Variants in GSE1 observed in about 807,000 individuals in gnomAD.
GSE1 encodes Gse1 coiled-coil protein, also known as genetic suppressor element 1.
In GSE1, 32 loss-of-function variants were observed where a neutral mutation model predicts 112.6. That is an observed-to-expected ratio of 0.28 (90% confidence interval 0.21 to 0.38). GSE1 has a LOEUF of 0.38. Among genes scored for constraint, GSE1 ranks in the 10% least tolerant of loss-of-function variants. GSE1 has a pLI of 1.00. For missense variants in GSE1, 2,348 were observed against 1,699.2 expected (o/e 1.38, Z -6.71); for synonymous variants, 1,115 against 735.6 (o/e 1.52, Z -8.35).
intron 2 of GSE1, among the ~76,000 whole-genome samples, chr16:85,424,260 G>A (rs766664861): frequency 2.0e-5 from 3 of 152,256 alleles, no homozygotes; most frequent in South Asian, 2.1e-4. Flanking sequence ...CCGCCCCTCC[G>A]GTGCCAGCGT....
intron 1 of GSE1, among the ~76,000 whole-genome samples, chr16:85,559,442 A>G (rs997746469): frequency 2.4e-4 from 37 of 152,312 alleles, no homozygotes; most frequent in African/African-American, 8.7e-4. Context: ...ACCCTGCCCC[A>G]CAGAGGCCTG....
intron 1 of GSE1, among the ~76,000 whole-genome samples, chr16:85,220,123 C>T (rs1407683079): frequency 6.6e-6 from 1 of 152,264 alleles, no homozygotes; most frequent in Admixed American, 6.5e-5. Context: ...GCCCCTCACC[C>T]TTTCTCAAGG....
At chr16:85,649,491 G>A (rs765228575) in intron 3 of GSE1, among the ~76,000 whole-genome samples, 15 of 152,214 alleles carry the variant, frequency 9.9e-5, no homozygotes, top group Non-Finnish European at 1.6e-4. Context: ...CCCTCCCCAA[G>A]TTTTCGGGGC....
At chr16:85,593,446 GTCA>G in intron 1 of GSE1, 1 of 152,602 alleles carries the variant, frequency 6.6e-6, no homozygotes, top group Admixed American at 6.5e-5. Flanking sequence ...GGGGCCTGAT[GTCA>G]TCATTCAGGG....
chr16:85,651,356 C>T (rs1041558749), intron 3 of GSE1, among the ~76,000 whole-genome samples: 3 of 152,000 alleles, frequency 2.0e-5, no homozygotes, highest in African/African-American at 7.2e-5. Context: ...ACGGAAGCCA[C>T]AGACATGTGG....
At chr16:85,583,260 G>C (rs1339736851) in intron 1 of GSE1, 1 of 152,330 alleles carries the variant, frequency 6.6e-6, no homozygotes, top group Non-Finnish European at 1.5e-5. Context: ...GGAGTGAGCT[G>C]TCTGCCCAGG....
chr16:85,393,263 T>A (rs2047887217), intron 2 of GSE1, among the ~76,000 whole-genome samples: 1 of 152,152 alleles, frequency 6.6e-6, no homozygotes, highest in Admixed American at 6.5e-5. Flanking sequence ...AGCAAGACCC[T>A]GTCTCAAGAA....
intron 1 of GSE1, among the ~76,000 whole-genome samples, chr16:85,589,160 G>T (rs2046848479): frequency 6.6e-6 from 1 of 152,048 alleles, no homozygotes; most frequent in Non-Finnish European, 1.5e-5. Context: ...ACCCCCACCG[G>T]CTTCCTAGCA....
chr16:85,314,454 A>G (rs2045941799), intron 1 of GSE1, among the ~76,000 whole-genome samples: 1 of 152,126 alleles, frequency 6.6e-6, no homozygotes, highest in African/African-American at 2.4e-5. Context: ...GATGTGAGGA[A>G]CAGTGGGGCC....
In GSE1 at chr16:85,668,200, A is replaced by G; in HGVS notation, c.3191A>G (p.Asn1064Ser). 1 of 1,609,998 alleles carries G rather than the reference A, an allele frequency of 6.2e-7. No homozygotes were observed. Among genetic ancestry groups the G allele is most frequent in the Non-Finnish European group, 8.5e-7 (1 of 1,176,502 alleles). The change falls in exon 14 of 16, where the codon AAC becomes AGC. Residue 1064 changes from asparagine to serine, a missense_variant. Asn to Ser is a conservative substitution (Grantham distance 46). Coordinates refer to ENST00000253458, the MANE Select transcript of GSE1 (RefSeq NM_014615.5). Reference protein sequence around the residue: ...NHKVDTSVHYNIPELQSSSRA... With the variant: ...NHKVDTSVHYSIPELQSSSRA... ...AAGGTTGACACGTCCGTCCACTACA[A>G]CATTCCTGAGCTGCAGTCCTCCAGC...
At chr16:85,641,623 G>A (rs971783182) in intron 2 of GSE1, among the ~76,000 whole-genome samples, 2 of 152,270 alleles carry the variant, frequency 1.3e-5, no homozygotes, top group Admixed American at 6.5e-5. Context: ...CCAGGGCTGC[G>A]GTGACTCCAG....
At chr16:85,415,569 A>G (rs2048685351) in intron 2 of GSE1, among the ~76,000 whole-genome samples, 1 of 152,232 alleles carries the variant, frequency 6.6e-6, no homozygotes, top group Admixed American at 6.5e-5. Flanking sequence ...GTCCCCTACC[A>G]GCCAGGGCCC....
intron 2 of GSE1, among the ~76,000 whole-genome samples, chr16:85,526,339 C>T (rs1164348718): frequency 2.0e-5 from 3 of 152,256 alleles, no homozygotes; most frequent in Non-Finnish European, 4.4e-5. Context: ...GGACCCAGGC[C>T]GCTGTGCCAC....
In GSE1 at chr16:85,246,200, TACACACACAC is replaced by T. The variant is rs545313239; in HGVS notation, c.2283+74422_2283+74431del. Among the ~76,000 whole-genome samples, 64 of 89,094 alleles carry T rather than the reference TACACACACAC, an allele frequency of 7.2e-4. 1 individual carries two copies. Among genetic ancestry groups the T allele is most frequent in the African/African-American group, 1.5e-3 (29 of 19,926 alleles). 58.4% of individuals were successfully genotyped at this position (89,094 alleles called of 152,430 possible). On this transcript the variant is annotated intron_variant, in intron 1 of 2. Coordinates refer to the GSE1 transcript ENST00000637419. Reference sequence around the variant, plus strand: ...CAGGATGCCCCAGCTTCAGGGACCCTACACACACACACACACACACACACACACACACACA... The same window carrying T: ...CAGGATGCCCCAGCTTCAGGGACCCTACACACACACACACACACACACACA...
At chr16:85,332,323 G>A (rs1379414081) in intron 1 of GSE1, among the ~76,000 whole-genome samples, 11 of 152,194 alleles carry the variant, frequency 7.2e-5, no homozygotes, top group Admixed American at 3.9e-4. Context: ...GAATTCCTCC[G>A]TCTCCATAAT....
At position 85,673,656 on chromosome 16, in the gene GSE1, G is replaced by A. The variant is rs1260844721; in HGVS notation, c.*1117G>A. On this transcript the variant is annotated 3_prime_UTR_variant, in exon 16 of 16. Coordinates refer to ENST00000253458, the MANE Select transcript of GSE1 (RefSeq NM_014615.5). ...ACCAGAAGCTGCCGTAGAAAGCCATGCGCTACTGCTTACCTCCTCCACTCC... is the reference window on the plus strand; with the variant it reads ...ACCAGAAGCTGCCGTAGAAAGCCATACGCTACTGCTTACCTCCTCCACTCC... 1.3e-5 allele frequency: 2 copies of A among 152,176 alleles called. No homozygotes were observed. The highest frequency in any genetic ancestry group is 4.8e-5 in the African/African-American group (2 of 41,426). 9.4% of individuals were successfully genotyped at this position (152,176 alleles called of 1,614,324 possible).
intron 1 of GSE1, among the ~76,000 whole-genome samples, chr16:85,237,275 A>G (rs888647351): frequency 6.6e-6 from 1 of 152,018 alleles, no homozygotes; most frequent in Non-Finnish European, 1.5e-5. Flanking sequence ...GTTTGCTGAG[A>G]TCGCGCCACT....
chr16:85,503,218 C>G (rs1385776094), intron 2 of GSE1, among the ~76,000 whole-genome samples: 1 of 152,236 alleles, frequency 6.6e-6, no homozygotes, highest in Non-Finnish European at 1.5e-5. Flanking sequence ...GCCAGGATTT[C>G]CATTCCCCGT....
intron 2 of GSE1, among the ~76,000 whole-genome samples, chr16:85,513,657 A>G (rs2051821601): frequency 6.6e-6 from 1 of 152,142 alleles, no homozygotes. Flanking sequence ...TCCTCCAGGA[A>G]GCAGAAGGAA....
Sources: allele counts gnomAD v4.1 joint callset (sites outside exome capture counted in the v4.1 genomes callset), GRCh38; gene constraint gnomAD v4.1.1; transcripts MANE v1.5; gene names NCBI Gene and HGNC (gene_info 2026-07-23, HGNC 2026-07-21).